SGCD: variants seen among roughly 807,000 people sequenced by gnomAD.
SGCD encodes delta-sarcoglycan.
In SGCD, 18 loss-of-function variants were observed where a neutral mutation model predicts 36.6. That is an observed-to-expected ratio of 0.49 (90% CI 0.34 to 0.73). The LOEUF (loss-of-function observed/expected upper bound fraction) is 0.73, where lower values mean the gene tolerates loss of function less well. Among genes scored for constraint, SGCD ranks in the 30% least tolerant of loss-of-function variants. SGCD has a pLI of 0.01. For synonymous variants in SGCD, 133 were observed against 130.6 expected (o/e 1.02, Z -0.12); for missense variants, 387 against 346.7 (o/e 1.12, Z -0.92).
At chr5:155,757,877 T>G in the SGCD span, among the ~76,000 whole-genome samples, 1 of 152,138 alleles carries the variant, frequency 6.6e-6, no homozygotes, top group African/African-American at 2.4e-5. Flanking sequence ...CATGCTGGCC[T>G]TGTGATAGTG....
intron 1 of SGCD, among the ~76,000 whole-genome samples, chr5:155,979,570 G>T (rs554312213): frequency 1.3e-5 from 2 of 152,186 alleles, no homozygotes; most frequent in East Asian, 3.9e-4. Context: ...AGTTTCAAAG[G>T]CTCCTCTGTC....
At chr5:156,397,297 G>C (rs918664761) in intron 3 of SGCD, among the ~76,000 whole-genome samples, 1 of 152,190 alleles carries the variant, frequency 6.6e-6, no homozygotes, top group African/African-American at 2.4e-5. Context: ...AAGAGTAAAA[G>C]TTTTATGCTT....
chr5:156,570,048 G>A (rs1759656012), intron 4 of SGCD, among the ~76,000 whole-genome samples: 1 of 152,142 alleles, frequency 6.6e-6, no homozygotes, highest in Non-Finnish European at 1.5e-5. Flanking sequence ...AGGATTACCT[G>A]ACTGCTCTGA....
chr5:156,337,422 C>G (rs999092282), intron 2 of SGCD, among the ~76,000 whole-genome samples: 1 of 152,144 alleles, frequency 6.6e-6, no homozygotes, highest in Non-Finnish European at 1.5e-5. Flanking sequence ...TTTCTCTACT[C>G]GTTAGAACCT....
At position 156,279,893 on chromosome 5, in the gene SGCD, C is replaced by T. The variant is rs530105970; in HGVS notation, c.-43-49641C>T. On this transcript the variant is annotated intron_variant, in intron 3 of 9. Transcript: ENST00000517913. The stretch of plus-strand genomic sequence containing the variant: ...CAACACCAAGTCATGATGGGTATCC[C>T]AGAAATAATTTACATAGGAATTTCC... Among the ~76,000 whole-genome samples, 6 of 152,096 alleles carry T rather than the reference C, an allele frequency of 3.9e-5. No individual in the cohort carries two copies. The South Asian group carries it at 1.2e-3, about 32-fold the overall frequency.
At position 156,581,359 on chromosome 5, in the gene SGCD, T is replaced by C. The variant is rs187872947; in HGVS notation, c.295-7872T>C. Reference sequence around the variant, plus strand: ...CCCCTACTGGGAGGTGTCTCCCAGTTAGGCTACATGGGGTTCAGGGGCCCA... The same window carrying C: ...CCCCTACTGGGAGGTGTCTCCCAGTCAGGCTACATGGGGTTCAGGGGCCCA... On this transcript the variant is annotated intron_variant, in intron 4 of 8. Coordinates refer to ENST00000337851, the MANE Select transcript of SGCD (RefSeq NM_000337.6). Among the ~76,000 whole-genome samples the C allele has an allele frequency of 2.7e-3, 411 of 152,292 alleles. 3 individuals carry two copies. Among genetic ancestry groups the C allele is most frequent in the African/African-American group, 9.5e-3 (395 of 41,564 alleles).
At chr5:156,298,130 G>A (rs1223117685) in intron 3 of SGCD, among the ~76,000 whole-genome samples, 2 of 151,952 alleles carry the variant, frequency 1.3e-5, no homozygotes, top group African/African-American at 2.4e-5. Flanking sequence ...TTTTATGGTT[G>A]AATAGTACTC....
chr5:155,844,163 G>A, the SGCD span, among the ~76,000 whole-genome samples: 2 of 151,932 alleles, frequency 1.3e-5, no homozygotes, highest in East Asian at 3.9e-4. Context: ...TCTGAAGTTT[G>A]TATTGTTTCT....
At chr5:156,329,431 G>A in intron 1 of SGCD, 103 bp from the exon 2 acceptor site, 1 of 813,578 alleles carries the variant, frequency 1.2e-6, no homozygotes. Context: ...TAATCAGAAA[G>A]CACATTTTGT....
chr5:156,519,486 G>C (rs1318474089), intron 4 of SGCD, among the ~76,000 whole-genome samples: 8 of 152,246 alleles, frequency 5.3e-5, no homozygotes, highest in Admixed American at 3.9e-4. Flanking sequence ...CCAAACAATT[G>C]AAAAGGAGGG....
intron 1 of SGCD, among the ~76,000 whole-genome samples, chr5:155,956,387 G>A (rs1228009764): frequency 2.0e-5 from 3 of 152,112 alleles, no homozygotes; most frequent in Non-Finnish European, 4.4e-5. Context: ...AATCAACTCT[G>A]AGGAGAAGAA....
intron 1 of SGCD, among the ~76,000 whole-genome samples, chr5:156,075,630 G>A (rs931005716): frequency 3.3e-5 from 5 of 152,196 alleles, no homozygotes; most frequent in African/African-American, 1.2e-4. Flanking sequence ...GTGGGGTCCT[G>A]ATGGATTTTG....
chr5:156,272,481 A>T (rs1474934045), intron 3 of SGCD, among the ~76,000 whole-genome samples: 1 of 152,198 alleles, frequency 6.6e-6, no homozygotes, highest in African/African-American at 2.4e-5. Flanking sequence ...TGCTAGAAGC[A>T]TGTGTGTGCA....
At chr5:155,766,096 G>T in the SGCD span, among the ~76,000 whole-genome samples, 1 of 152,118 alleles carries the variant, frequency 6.6e-6, no homozygotes, top group Non-Finnish European at 1.5e-5. Flanking sequence ...AGATGTGAAA[G>T]GTAGAAACCA....
At chr5:156,253,340 G>T (rs947423530) in intron 3 of SGCD, among the ~76,000 whole-genome samples, 4 of 152,226 alleles carry the variant, frequency 2.6e-5, no homozygotes, top group South Asian at 4.1e-4. Flanking sequence ...GTATCAATGT[G>T]CTATCTGTTC....
chr5:156,460,748 A>G (rs1302667703), intron 3 of SGCD, among the ~76,000 whole-genome samples: 2 of 152,194 alleles, frequency 1.3e-5, no homozygotes, highest in African/African-American at 2.4e-5. Flanking sequence ...GAGATACAGT[A>G]TAACAGCATC....
chr5:156,300,823 G>C (rs568330577), intron 3 of SGCD, among the ~76,000 whole-genome samples: 1 of 151,998 alleles, frequency 6.6e-6, no homozygotes, highest in African/African-American at 2.4e-5. Context: ...ATTTTCAATT[G>C]TTAAATCCTG....
chr5:156,608,578 A>T (rs1276092690), intron 6 of SGCD, among the ~76,000 whole-genome samples: 2 of 152,158 alleles, frequency 1.3e-5, no homozygotes, highest in Admixed American at 6.5e-5. Context: ...TGCAGAGCTG[A>T]GTTCAATTCC....
intron 1 of SGCD, among the ~76,000 whole-genome samples, chr5:156,036,063 A>G (rs1759489443): frequency 6.6e-6 from 1 of 152,180 alleles, no homozygotes; most frequent in South Asian, 2.1e-4. Context: ...ATGAGGTTTC[A>G]TGATCTCAGA....
Sources: allele counts gnomAD v4.1 joint callset (sites outside exome capture counted in the v4.1 genomes callset), GRCh38; gene constraint gnomAD v4.1.1; transcripts MANE v1.5; gene names NCBI Gene and HGNC (gene_info 2026-07-23, HGNC 2026-07-21).